KCNQ2: variants seen among roughly 807,000 people sequenced by gnomAD.
The protein encoded by KCNQ2 is potassium voltage-gated channel subfamily Q member 2, also known as potassium voltage-gated channel subfamily KQT member 2.
A neutral mutation model predicts 84.8 loss-of-function variants in KCNQ2; 14 were observed. That is an observed-to-expected ratio of 0.17 (90% CI 0.11 to 0.26). The LOEUF (loss-of-function observed/expected upper bound fraction) is 0.26, where lower values mean the gene tolerates loss of function less well. KCNQ2 is among the 10% of genes least tolerant of loss of function. KCNQ2 has a pLI of 1.00. For synonymous variants in KCNQ2, 599 were observed against 554.1 expected, an observed-to-expected ratio of 1.08 and a Z score of -1.14; for missense variants, 788 against 1,254.0, an observed-to-expected ratio of 0.63 and a Z score of 5.61.
rs920627784 is a variant in KCNQ2 at position 63,408,776 on chromosome 20, C to T, written c.1764-240G>A. On this transcript the variant is annotated intron_variant, in intron 15 of 16. Coordinates refer to ENST00000359125, the MANE Select transcript of KCNQ2 (RefSeq NM_172107.4). The surrounding 1 kb of genome is among the most constrained non-coding windows in gnomAD (Gnocchi z 5.0). ...GTCCCCAAGGGGCCTGGCACATTAG[C>T]GAGGAGTAAAGTAAGGACGCTCCCA... Among the ~76,000 whole-genome samples the T allele has an allele frequency of 4.6e-5, 7 of 152,190 alleles. No individual in the cohort carries two copies. Among genetic ancestry groups the T allele is most frequent in the East Asian group, 1.9e-4 (1 of 5,192 alleles).
chr20:63,469,635 G>A (rs2082161320), intron 1 of KCNQ2, among the ~76,000 whole-genome samples: 2 of 152,268 alleles, frequency 1.3e-5, no homozygotes, highest in Admixed American at 6.5e-5. Context: ...TAGGCAAAAG[G>A]CAGGTGGGCC....
At chr20:63,426,782 G>C (rs1465283197) in intron 10 of KCNQ2, among the ~76,000 whole-genome samples, 1 of 152,024 alleles carries the variant, frequency 6.6e-6, no homozygotes. Flanking sequence ...TCCTGAGCCC[G>C]CACCAGAAGC....
At position 63,457,483 on chromosome 20, in the gene KCNQ2, G is replaced by A. The variant is rs145170436; in HGVS notation, c.297-10646C>T. Among the ~76,000 whole-genome samples, 130 of 152,342 alleles carry A rather than the reference G, an allele frequency of 8.5e-4. 4 individuals carry two copies. In the East Asian group the frequency reaches 0.024, roughly 28 times the overall value. On this transcript the variant is annotated intron_variant, in intron 1 of 16. Coordinates refer to ENST00000359125, the MANE Select transcript of KCNQ2 (RefSeq NM_172107.4). ...CACGGCCTCCAAACGGCCTGGGCCT[G>A]CCTATGCCCGCCTGCACCCACCTGG...
At chr20:63,462,762 A>G (rs542344479) in intron 1 of KCNQ2, among the ~76,000 whole-genome samples, 4 of 152,332 alleles carry the variant, frequency 2.6e-5, no homozygotes, top group African/African-American at 9.6e-5. Context: ...TTCAAGGTCC[A>G]TCACTGCAAA....
In KCNQ2 at chr20:63,400,982, T is replaced by C. The variant is rs1422390521; in HGVS notation, c.*5662A>G. On this transcript the variant is annotated 3_prime_UTR_variant, in exon 17 of 17. Transcript: ENST00000359125. This position sits in a 1 kb window ranked among gnomAD's most constrained non-coding sequence, Gnocchi z 8.7. The stretch of plus-strand genomic sequence containing the variant: ...CGACTTTGTAAAACCCAGGCGGAGT[T>C]GGCGTGTGGCGATGGCGATGTGCAC... 5 of 397,302 alleles carry C rather than the reference T, an allele frequency of 1.3e-5. No homozygotes were observed. Among genetic ancestry groups the C allele is most frequent in the African/African-American group, 6.2e-5 (3 of 48,574 alleles). 24.6% of individuals were successfully genotyped at this position (397,302 alleles called of 1,614,324 possible).
chr20:63,459,716 G>A (rs2081900249), intron 1 of KCNQ2, among the ~76,000 whole-genome samples: 1 of 152,162 alleles, frequency 6.6e-6, no homozygotes, highest in African/African-American at 2.4e-5. Context: ...GCTTTAAAAT[G>A]CTATCTGCAT....
At chr20:63,441,800 C>T (rs2081169601) in intron 5 of KCNQ2, among the ~76,000 whole-genome samples, 2 of 152,262 alleles carry the variant, frequency 1.3e-5, no homozygotes, top group African/African-American at 2.4e-5. Flanking sequence ...CAGCTGCATC[C>T]GGCTTAGGCA....
chr20:63,411,348 T>C (rs1487535017), intron 15 of KCNQ2, among the ~76,000 whole-genome samples: 1 of 152,134 alleles, frequency 6.6e-6, no homozygotes, highest in East Asian at 1.9e-4. Context: ...GGGCAGGTGC[T>C]GAGGGGCAGG....
rs201701585 is a variant in KCNQ2 at position 63,407,198 on chromosome 20, T to A, written c.2065A>T (p.Ile689Phe). 1.9e-6 allele frequency: 3 copies of A among 1,606,220 alleles called. No homozygotes were observed. Among genetic ancestry groups the A allele is most frequent in the Non-Finnish European group, 2.5e-6 (3 of 1,179,552 alleles). ...CCCGTGGAGCTGCTGGAGCGCACGA[T>A]CTTGACAATGCAGCCGTGCCTGTCG... is the stretch of plus-strand genomic sequence containing the variant. ...HVDRHGCIVK[I>F]VRSSSSTGQK... The change falls in exon 17 of 17, where the codon ATC (isoleucine) becomes TTC (phenylalanine). Residue 689 changes from isoleucine (I) to phenylalanine (F), a missense_variant. Physicochemically the swap from Ile to Phe is conservative, Grantham distance 21. This residue lies in a region of KCNQ2 where 378 missense variants were observed against 434.5 expected (regional missense o/e 0.87). Coordinates refer to ENST00000359125, the MANE Select transcript of KCNQ2 (RefSeq NM_172107.4). This position sits in a 1 kb window ranked among gnomAD's most constrained non-coding sequence, Gnocchi z 7.2.
At chr20:63,428,497 C>T (rs1054093933) in intron 9 of KCNQ2, 62 bp from the exon 10 acceptor site, 123 of 1,393,050 alleles carry the variant, frequency 8.8e-5, no homozygotes, top group Non-Finnish European at 1.1e-4. Flanking sequence ...GGACACCTCC[C>T]TCTGCTTGCA....
At chr20:63,433,676 A>T in intron 8 of KCNQ2, 133 bp downstream of exon 8, 1 of 1,544,704 alleles carries the variant, frequency 6.5e-7, no homozygotes, top group Non-Finnish European at 8.9e-7. Context: ...CACACACAGA[A>T]CTCCTTTGTG....
chr20:63,456,505 G>A (rs1337587773), intron 1 of KCNQ2, among the ~76,000 whole-genome samples: 2 of 152,146 alleles, frequency 1.3e-5, no homozygotes, highest in Non-Finnish European at 2.9e-5. Context: ...GGATGGGCGG[G>A]CAGGAGGGAA....
chr20:63,457,381 G>A (rs888781315), intron 1 of KCNQ2, among the ~76,000 whole-genome samples: 1 of 152,252 alleles, frequency 6.6e-6, no homozygotes, highest in Admixed American at 6.5e-5. Context: ...CAAACACTGG[G>A]TGCTCAACTG....
At chr20:63,450,975 T>C (rs1196084263) in intron 1 of KCNQ2, among the ~76,000 whole-genome samples, 1 of 151,634 alleles carries the variant, frequency 6.6e-6, no homozygotes, top group Admixed American at 6.6e-5. Flanking sequence ...CTGTCTCTAC[T>C]AAAAATACAA....
chr20:63,446,788 T>G lies in KCNQ2; in HGVS notation c.346A>C (p.Lys116Gln). ...CCCTCCGAGCTCTTCTCATACTCCT[T>G]GATGGTGGAAAACACAGACAGCACG... Reference protein sequence around the residue: ...CLVLSVFSTIKEYEKSSEGAL... With the variant: ...CLVLSVFSTIQEYEKSSEGAL... Residue 116 changes from lysine (K) to glutamine (Q), a missense_variant, in exon 2 of 17, where the codon AAG becomes CAG. Transcript: ENST00000359125. This position sits in a 1 kb window ranked among gnomAD's most constrained non-coding sequence, Gnocchi z 5.5. 6.2e-7 allele frequency: 1 copy of G among 1,613,312 alleles called. No homozygotes were observed. The highest frequency in any genetic ancestry group is 8.5e-7 in the Non-Finnish European group (1 of 1,179,926).
intron 8 of KCNQ2, 22 bp downstream of exon 8, chr20:63,433,787 G>A (rs1473609265): frequency 6.2e-7 from 1 of 1,613,918 alleles, no homozygotes; most frequent in Non-Finnish European, 8.5e-7. Context: ...GTTGCTTGGT[G>A]GCAGGTGCCC....
At chr20:63,420,006 G>C (rs1039867094) in intron 11 of KCNQ2, among the ~76,000 whole-genome samples, 1 of 152,246 alleles carries the variant, frequency 6.6e-6, no homozygotes, top group Non-Finnish European at 1.5e-5. Context: ...TGTGGCCTCA[G>C]ACGCCGCAGA....
At chr20:63,443,047 A>G (rs2081268822) in intron 4 of KCNQ2, among the ~76,000 whole-genome samples, 2 of 86,730 alleles carry the variant, frequency 2.3e-5, no homozygotes, top group Non-Finnish European at 4.6e-5. Flanking sequence ...CACCATCACC[A>G]TCATCAGCAT....
chr20:63,418,609 G>A (rs2145581895), intron 12 of KCNQ2, among the ~76,000 whole-genome samples: 1 of 152,318 alleles, frequency 6.6e-6, no homozygotes, highest in South Asian at 2.1e-4. Context: ...TGCCCTGAGG[G>A]ACCAGCCTGC....
Sources: allele counts gnomAD v4.1 joint callset (sites outside exome capture counted in the v4.1 genomes callset), GRCh38; gene constraint gnomAD v4.1.1; regional missense constraint gnomAD v4.1.1; non-coding constraint Gnocchi (gnomAD v3.1); transcripts MANE v1.5; gene names NCBI Gene and HGNC (gene_info 2026-07-23, HGNC 2026-07-21).